RAD21: variants seen among roughly 807,000 people sequenced by gnomAD.
The protein encoded by RAD21 is RAD21 cohesin complex component, also known as double-strand-break repair protein rad21 homolog.
A neutral mutation model predicts 71.5 loss-of-function variants in RAD21; 18 were observed. That is an observed-to-expected ratio of 0.25 (90% CI 0.17 to 0.37). RAD21 has a LOEUF of 0.37. Among genes scored for constraint, RAD21 ranks in the 10% least tolerant of loss-of-function variants. The probability of loss-of-function intolerance (pLI) is 1.00; values close to 1 mark genes in which losing one functional copy is unlikely to be tolerated. For missense variants in RAD21, 493 were observed against 769.1 expected (o/e 0.64, Z 4.25); for synonymous variants, 248 against 254.0 (o/e 0.98, Z 0.22).
chr8:116,862,577 T>C (rs529957241), intron 3 of RAD21, among the ~76,000 whole-genome samples: 4 of 152,052 alleles, frequency 2.6e-5, no homozygotes, highest in Non-Finnish European at 4.4e-5. Flanking sequence ...AAAATACACA[T>C]TATTTTAATT....
rs1247466538 is a variant in RAD21, at chr8:116,846,576, G to A, written c.*924C>T. ...ACTTACAATAAATATCAGAGAAGCC[G>A]TTAGTTTTTACAGCATCGTCTGCTT... On this transcript the variant is annotated 3_prime_UTR_variant, in exon 14 of 14. Transcript: ENST00000297338. The A allele has an allele frequency of 6.1e-5, 14 of 228,974 alleles. No homozygotes were observed. The highest frequency in any genetic ancestry group is 2.2e-4 in the African/African-American group (10 of 45,188). The allele number at this position is 228,974 out of a possible 1,614,324, so 14.2% of individuals were successfully genotyped here.
Position 116,850,721 on chromosome 8 carries a change from G to C in RAD21, c.1517C>G (p.Pro506Arg). Residue 506 changes from proline (P) to arginine (R), a missense_variant, in exon 12 of 14, where the codon CCA becomes CGA. This residue lies in a region of RAD21 where 225 missense variants were observed against 218.3 expected (regional missense o/e 1.03). Transcript: ENST00000297338. ...CTGACAGATATTTGGAGGTTCTTCT[G>C]GGGGAAGCTCTACAGGTGGTATTTC... ...QMEIPPVELP[P>R]EEPPNICQLI... 1 of 1,613,296 alleles carries C rather than the reference G, an allele frequency of 6.2e-7. No individual in the cohort carries two copies. The highest frequency in any genetic ancestry group is 1.1e-5 in the South Asian group (1 of 91,058).
intron 12 of RAD21, among the ~76,000 whole-genome samples, chr8:116,850,302 C>T (rs1460290979): frequency 6.6e-6 from 1 of 151,632 alleles, no homozygotes; most frequent in East Asian, 1.9e-4. Context: ...ACAATAACAG[C>T]AGTAAGAATC....
chr8:116,868,630 A>G (rs1023701007), intron 1 of RAD21, among the ~76,000 whole-genome samples: 4 of 152,200 alleles, frequency 2.6e-5, no homozygotes, highest in African/African-American at 9.7e-5. Flanking sequence ...ATTTATATAG[A>G]AAAGCAAATA....
At position 116,850,784 on chromosome 8, in the gene RAD21, T is replaced by TA; in HGVS notation, c.1471-18dup. 1.4e-6 allele frequency: 2 copies of TA among 1,477,518 alleles called. No individual in the cohort carries two copies. Among genetic ancestry groups the TA allele is most frequent in the South Asian group, 1.2e-5 (1 of 86,190 alleles). 91.5% of individuals were successfully genotyped at this position (1,477,518 alleles called of 1,614,324 possible). ...CTGCTGAGGCTTAAAGCAATACAAA[T>TA]AAGACAATTTAAGATATATGCTTTT... On this transcript the variant is annotated splice_polypyrimidine_tract_variant and intron_variant, in intron 11 of 13. Coordinates refer to ENST00000297338, the MANE Select transcript of RAD21 (RefSeq NM_006265.3).
At position 116,850,708 on chromosome 8, in the gene RAD21, T is replaced by C; in HGVS notation, c.1530A>G (p.Pro510=). 1 of 1,613,680 alleles carries C rather than the reference T, an allele frequency of 6.2e-7. No individual in the cohort carries two copies. The highest frequency in any genetic ancestry group is 8.5e-7 in the Non-Finnish European group (1 of 1,179,670). Residue 510 remains proline, a synonymous_variant, in exon 12 of 14, where the codon CCA becomes CCG. Transcript: ENST00000297338. ...ACTCTGGTATTAGCTGACAGATATT[T>C]GGAGGTTCTTCTGGGGGAAGCTCTA... is the stretch of plus-strand genomic sequence containing the variant. The part of the protein sequence containing the change: ...PPVELPPEEP[P]NICQLIPELE...
intron 4 of RAD21, 114 bp downstream of exon 4, chr8:116,861,727 T>C (rs962219797): frequency 9.1e-6 from 6 of 656,164 alleles, no homozygotes; most frequent in Non-Finnish European, 1.3e-5. Context: ...TAAATATATA[T>C]ATGCATTTTA....
In RAD21 at chr8:116,856,289, CTG is replaced by C; in HGVS notation, c.815-3_815-2del. 7.6e-7 allele frequency: 1 copy of C among 1,308,066 alleles called. No individual in the cohort carries two copies. The highest frequency in any genetic ancestry group is 9.7e-7 in the Non-Finnish European group (1 of 1,026,840). The allele number at this position is 1,308,066 out of a possible 1,614,324, so 81.0% of individuals were successfully genotyped here. A position where few individuals can be genotyped will look rare whatever the true frequency, so the allele number is the denominator to read the frequency against. On this transcript the variant is annotated splice_acceptor_variant and splice_polypyrimidine_tract_variant and intron_variant, in intron 7 of 13. Transcript: ENST00000297338. LOFTEE classifies it high-confidence loss of function. Reference sequence around the variant, plus strand: ...GAATCAGGACTATCAGGCCCACCCACTGTAAAAAAAAAAAAAAAAAAAAAAAG... The same window carrying C: ...GAATCAGGACTATCAGGCCCACCCACTAAAAAAAAAAAAAAAAAAAAAAAG...
In RAD21 at chr8:116,854,214, T is replaced by G. The variant is rs375317261; in HGVS notation, c.1161+31A>C. Reference sequence around the variant, plus strand: ...TTTTTTTTTAGATGCTCAAAATGTATATGAAGTAAAAATTCTGCAAACTAT... The same window carrying G: ...TTTTTTTTTAGATGCTCAAAATGTAGATGAAGTAAAAATTCTGCAAACTAT... On this transcript the variant is annotated intron_variant, in intron 9 of 13. Transcript: ENST00000297338. 5.3e-6 allele frequency: 8 copies of G among 1,497,790 alleles called. No individual in the cohort carries two copies. In the African/African-American group the frequency reaches 8.4e-5, roughly 16 times the overall value. The allele number at this position is 1,497,790 out of a possible 1,614,324, so 92.8% of individuals were successfully genotyped here. A position where few individuals can be genotyped will look rare whatever the true frequency, so the allele number is the denominator to read the frequency against.
At chr8:116,861,517 T>C (rs893755690) in intron 4 of RAD21, among the ~76,000 whole-genome samples, 1 of 151,578 alleles carries the variant, frequency 6.6e-6, no homozygotes, top group Non-Finnish European at 1.5e-5. Context: ...TATATAACTC[T>C]GAAAAATATC....
intron 4 of RAD21, among the ~76,000 whole-genome samples, chr8:116,859,054 CCA>C (rs1251883250): frequency 5.4e-5 from 8 of 148,896 alleles, no homozygotes; most frequent in African/African-American, 2.0e-4. Flanking sequence ...GCTATATCAA[CCA>C]GATGCAGTTT....
chr8:116,873,686 T>A (rs1812893819), intron 1 of RAD21, among the ~76,000 whole-genome samples: 1 of 150,842 alleles, frequency 6.6e-6, no homozygotes. Flanking sequence ...ACCAAGTAAA[T>A]CCCCCAGGGT....
At chr8:116,856,325 A>G (rs746268141) in intron 7 of RAD21, 37 bp from the exon 8 acceptor site, 13 of 1,456,822 alleles carry the variant, frequency 8.9e-6, no homozygotes, top group Non-Finnish European at 1.2e-5. Context: ...AGTCACAAAA[A>G]GCTTTGGTAT....
chr8:116,852,928 C>T (rs949173077), intron 9 of RAD21, among the ~76,000 whole-genome samples: 3 of 152,000 alleles, frequency 2.0e-5, no homozygotes, highest in African/African-American at 2.4e-5. Flanking sequence ...AAACTGTATC[C>T]ATTATCTCAC....
rs1474634942 is a variant in RAD21, at chr8:116,863,087, A to G, written c.274+43T>C. The G allele has an allele frequency of 1.3e-6, 2 of 1,562,338 alleles. 1 individual carries two copies. The highest frequency in any genetic ancestry group is 2.3e-5 in the South Asian group (2 of 85,380). ...TAACACAAAAAACATGAGAAACTCCAAAGTAAACAACAACAACAAAAACCA... is the reference window on the plus strand; with the variant it reads ...TAACACAAAAAACATGAGAAACTCCGAAGTAAACAACAACAACAAAAACCA... On this transcript the variant is annotated intron_variant, in intron 3 of 13. Transcript: ENST00000297338.
At chr8:116,866,911 G>C (rs1228110841) in intron 1 of RAD21, 150 bp from the exon 2 acceptor site, 1 of 465,050 alleles carries the variant, frequency 2.2e-6, no homozygotes, top group Non-Finnish European at 3.5e-6. Flanking sequence ...AAAAACAACA[G>C]ATTTAAAACA....
intron 2 of RAD21, 90 bp downstream of exon 2, chr8:116,866,496 C>A (rs1364555697): frequency 3.2e-6 from 4 of 1,246,908 alleles, no homozygotes; most frequent in Admixed American, 2.4e-5. Context: ...CACTCCAATG[C>A]CCCTACCTAA....
intron 8 of RAD21, 36 bp from the exon 9 acceptor site, chr8:116,854,504 A>T: frequency 6.6e-7 from 1 of 1,515,770 alleles, no homozygotes; most frequent in Non-Finnish European, 9.1e-7. Flanking sequence ...CATTTTCCTG[A>T]GAGGCCAGCA....
intron 12 of RAD21, among the ~76,000 whole-genome samples, chr8:116,849,690 C>T (rs1812311785): frequency 6.6e-6 from 1 of 152,098 alleles, no homozygotes; most frequent in South Asian, 2.1e-4. Context: ...AACTATATAC[C>T]AGCCATAACA....
Sources: allele counts gnomAD v4.1 joint callset (sites outside exome capture counted in the v4.1 genomes callset), GRCh38; gene constraint gnomAD v4.1.1; regional missense constraint gnomAD v4.1.1; transcripts MANE v1.5; gene names NCBI Gene and HGNC (gene_info 2026-07-23, HGNC 2026-07-21).